Variants in ATP2A3 observed in about 807,000 individuals in gnomAD.
The protein encoded by ATP2A3 is sarcoplasmic/endoplasmic reticulum calcium ATPase 3.
ATP2A3 carries 61 observed loss-of-function variants against 106.8 expected under a neutral mutation model. The ratio of observed to expected loss-of-function variants is 0.57; its 90% CI spans 0.46 to 0.71. The LOEUF (loss-of-function observed/expected upper bound fraction) is 0.71. ATP2A3 is among the 30% of genes least tolerant of loss of function. The probability of loss-of-function intolerance (pLI) is 0.00; values close to 1 mark genes in which losing one functional copy is unlikely to be tolerated. For missense variants in ATP2A3, 1,201 were observed against 1,423.5 expected, an observed-to-expected ratio of 0.84 and a Z score of 2.52; for synonymous variants, 611 against 609.3, an observed-to-expected ratio of 1.00 and a Z score of -0.04.
rs1362982391 is a variant in ATP2A3, at chr17:3,926,542, C to T, written c.2981-1101G>A. Among the ~76,000 whole-genome samples, 1 of 152,144 alleles carries T rather than the reference C, an allele frequency of 6.6e-6. No individual in the cohort carries two copies. Among genetic ancestry groups the T allele is most frequent in the African/African-American group, 2.4e-5 (1 of 41,422 alleles). On this transcript the variant is annotated intron_variant, in intron 20 of 20. Coordinates refer to ENST00000397041, the MANE Select transcript of ATP2A3 (RefSeq NM_005173.4). The surrounding 1 kb of genome is among the most constrained non-coding windows in gnomAD (Gnocchi z 4.6). ...CCAGATCTGTTCAATGCCGCTCGCC[C>T]ACCTCCTGGTGTTAGTCTCACCCTC...
At chr17:3,951,470 T>C in intron 4 of ATP2A3, 81 bp from the exon 5 acceptor site, 1 of 1,605,588 alleles carries the variant, frequency 6.2e-7, no homozygotes. Context: ...CTCTGGGGCC[T>C]GGGATGGAGG....
intron 9 of ATP2A3, 79 bp from the exon 10 acceptor site, chr17:3,944,885 AGG>A (rs1378188552): frequency 5.2e-5 from 46 of 878,822 alleles, no homozygotes; most frequent in Admixed American, 1.0e-4. Context: ...CGCCCCTAGG[AGG>A]GGGCTCCGCC....
chr17:3,933,765 C>T lies in ATP2A3; in HGVS notation c.2610+1427G>A, dbSNP rs1318849518. 2.0e-5 allele frequency among the ~76,000 whole-genome samples: 3 copies of T among 151,214 alleles called. No homozygotes were observed. The South Asian group carries it at 6.2e-4, about 31-fold the overall frequency. ...AAACAAACAAAAAAAGACAGTGCGT[C>T]GGGCTGGAGCTTCTGCCTCACAGGC... is the stretch of plus-strand genomic sequence containing the variant. On this transcript the variant is annotated intron_variant, in intron 17 of 20. Coordinates refer to ENST00000397041, the MANE Select transcript of ATP2A3 (RefSeq NM_005173.4).
Position 3,944,727 on chromosome 17 carries a change from C to T in ATP2A3, c.1264G>A (p.Asp422Asn), listed in dbSNP as rs773763490. The change falls in exon 10 of 21, where the codon GAC becomes AAC. Residue 422 changes from aspartate (D) to asparagine (N), a missense_variant. Transcript: ENST00000397041. ...ELATICALCN[D>N]SALDYNEAKG... ...ACCTCGTTGTAGTCCAGAGCCGAGTCGTTGCACAGGGCGCAGATGGTCGCC... is the reference window on the plus strand; with the variant it reads ...ACCTCGTTGTAGTCCAGAGCCGAGTTGTTGCACAGGGCGCAGATGGTCGCC... 6.2e-7 allele frequency: 1 copy of T among 1,613,374 alleles called. No homozygotes were observed. The highest frequency in any genetic ancestry group is 2.2e-5 in the East Asian group (1 of 44,874).
At chr17:3,927,882 G>A in intron 20 of ATP2A3, 1 of 1,580,434 alleles carries the variant, frequency 6.3e-7, no homozygotes, top group Non-Finnish European at 8.6e-7. Context: ...CTGCCCCAGT[G>A]CAGGCCTCAG....
chr17:3,962,557 G>A (rs141525739), intron 1 of ATP2A3, among the ~76,000 whole-genome samples: 39 of 152,120 alleles, frequency 2.6e-4, no homozygotes, highest in African/African-American at 8.4e-4. Flanking sequence ...TACACACCAC[G>A]CCAAGCCCAC....
intron 14 of ATP2A3, among the ~76,000 whole-genome samples, chr17:3,938,700 C>T (rs1320834705): frequency 6.6e-6 from 1 of 151,914 alleles, no homozygotes; most frequent in African/African-American, 2.4e-5. Context: ...CATGCACCAG[C>T]TAATTTTTGT....
intron 8 of ATP2A3, among the ~76,000 whole-genome samples, chr17:3,946,988 T>C (rs1424283492): frequency 6.6e-6 from 1 of 152,214 alleles, no homozygotes; most frequent in African/African-American, 2.4e-5. Context: ...TGGTGACAGG[T>C]GTCGACTGCA....
Position 3,928,584 on chromosome 17 carries a change from A to ACCCACAGC in ATP2A3, c.2980+71_2980+78dup. The stretch of plus-strand genomic sequence containing the variant: ...CAGACAGAGAGGCTCTGCGCTCCAC[A>ACCCACAGC]CCCACAGCGTCCACTGCAGCCCAGG... On this transcript the variant is annotated intron_variant, in intron 20 of 20. Transcript: ENST00000397041. The surrounding 1 kb of genome is among the most constrained non-coding windows in gnomAD (Gnocchi z 6.1). 1 of 1,294,008 alleles carries ACCCACAGC rather than the reference A, an allele frequency of 7.7e-7. No individual in the cohort carries two copies. Among genetic ancestry groups the ACCCACAGC allele is most frequent in the Admixed American group, 2.0e-5 (1 of 50,572 alleles). 80.2% of individuals were successfully genotyped at this position (1,294,008 alleles called of 1,614,324 possible).
At chr17:3,945,464 C>T (rs981276451) in intron 8 of ATP2A3, 1 of 276,194 alleles carries the variant, frequency 3.6e-6, no homozygotes, top group Non-Finnish European at 6.9e-6. Context: ...AGCCTGGGTC[C>T]TTGCCCATCT....
chr17:3,928,545 G>T lies in ATP2A3; in HGVS notation c.2980+118C>A. 9.5e-7 allele frequency: 1 copy of T among 1,048,880 alleles called. No individual in the cohort carries two copies. The highest frequency in any genetic ancestry group is 1.4e-6 in the Non-Finnish European group (1 of 696,986). The allele number at this position is 1,048,880 out of a possible 1,614,324, so 65.0% of individuals were successfully genotyped here. ...ACCCTCCACTTGGTGATCCGAGAACGCCTCCCCGATGTGCAGACAGAGAGG... is the reference window on the plus strand; with the variant it reads ...ACCCTCCACTTGGTGATCCGAGAACTCCTCCCCGATGTGCAGACAGAGAGG... On this transcript the variant is annotated intron_variant, in intron 20 of 20. Transcript: ENST00000397041. This position sits in a 1 kb window ranked among gnomAD's most constrained non-coding sequence, Gnocchi z 6.1.
Position 3,937,782 on chromosome 17 carries a change from A to G in ATP2A3, c.2101-146T>C. On this transcript the variant is annotated intron_variant, in intron 14 of 20. Transcript: ENST00000397041. ...GAACAAATGGTGGGTTCAAGAATGAACTAGAAATTGGGCAGAGGATGAGGC... is the reference window on the plus strand; with the variant it reads ...GAACAAATGGTGGGTTCAAGAATGAGCTAGAAATTGGGCAGAGGATGAGGC... 3.4e-6 allele frequency: 3 copies of G among 869,584 alleles called. No homozygotes were observed. In the South Asian group the frequency reaches 4.4e-5, roughly 13 times the overall value. 53.9% of individuals were successfully genotyped at this position (869,584 alleles called of 1,614,324 possible).
Position 3,964,424 on chromosome 17 carries a change from C to G in ATP2A3, c.-133G>C, listed in dbSNP as rs1024588314. ...GGCCATGTCCGTGCTGGGACCTTAC[C>G]CGACGGCAGTGGCGGCGGCGGCCCC... On this transcript the variant is annotated 5_prime_UTR_variant, in exon 1 of 21. Transcript: ENST00000397041. The G allele has an allele frequency of 6.0e-6, 2 of 335,412 alleles. No homozygotes were observed. Among genetic ancestry groups the G allele is most frequent in the Non-Finnish European group, 9.0e-6 (2 of 223,462 alleles). 20.8% of individuals were successfully genotyped at this position (335,412 alleles called of 1,614,324 possible). A position where few individuals can be genotyped will look rare whatever the true frequency, so the allele number is the denominator to read the frequency against.
intron 3 of ATP2A3, 99 bp from the exon 4 acceptor site, chr17:3,951,784 G>C: frequency 8.2e-7 from 1 of 1,219,964 alleles, no homozygotes; most frequent in South Asian, 1.3e-5. Context: ...TCCCTGCTTT[G>C]GGGAGATAGC....
rs1459209276 is a variant in ATP2A3 at position 3,947,551 on chromosome 17, G to A, written c.935C>T (p.Pro312Leu). Residue 312 changes from proline (P) to leucine (L), a missense_variant, in exon 8 of 21, where the codon CCG becomes CTG. This residue lies in a region of ATP2A3 where 935 missense variants were observed against 1,176.7 expected (regional missense o/e 0.79). Coordinates refer to ENST00000397041, the MANE Select transcript of ATP2A3 (RefSeq NM_005173.4). The surrounding 1 kb of genome is among the most constrained non-coding windows in gnomAD (Gnocchi z 7.7). ...LAVAAIPEGL[P>L]AVITTCLALG... is the part of the protein sequence containing the mutation. ...TGCCAGGCATGTAGTGATGACAGCC[G>A]GGAGGCCCTCGGGGATGGCCGCCAC... The A allele has an allele frequency of 1.9e-6, 3 of 1,613,074 alleles. No individual in the cohort carries two copies. The highest frequency in any genetic ancestry group is 1.1e-5 in the South Asian group (1 of 91,082).
intron 1 of ATP2A3, among the ~76,000 whole-genome samples, chr17:3,957,555 G>A (rs1457639031): frequency 6.6e-6 from 1 of 152,210 alleles, no homozygotes; most frequent in Non-Finnish European, 1.5e-5. Context: ...GTGCTTTAGG[G>A]GTTTACGAGG....
intron 17 of ATP2A3, chr17:3,934,883 G>A: frequency 8.0e-6 from 3 of 376,804 alleles, no homozygotes; most frequent in South Asian, 2.5e-5. Flanking sequence ...CCATTTAGGG[G>A]CTCATTCCTC....
rs539701497 is a variant in ATP2A3, at chr17:3,928,678, G to A, written c.2965C>T (p.Arg989Trp). The A allele has an allele frequency of 4.5e-6, 7 of 1,551,014 alleles. No individual in the cohort carries two copies. The highest frequency in any genetic ancestry group is 6.1e-6 in the Non-Finnish European group (7 of 1,146,984). The change falls in exon 20 of 21, where the codon CGG becomes TGG. Residue 989 changes from arginine to tryptophan, a missense_variant. By Grantham distance (101) the Arg-to-Trp change is moderately radical (BLOSUM62 -3). Around this residue, in one of 2 missense-constraint regions of ATP2A3, gnomAD observed 935 missense variants for 1,176.7 expected, o/e 0.79. Transcript: ENST00000397041. This position sits in a 1 kb window ranked among gnomAD's most constrained non-coding sequence, Gnocchi z 6.1. ...TCCCACTCACCGTGCATGTGGTTCC[G>A]GGACAGGTACTTGAGGGCCTCATCC... ...LLDEALKYLS[R>W]NHMHEEMSQK
At position 3,964,202 on chromosome 17, in the gene ATP2A3, G is replaced by T; in HGVS notation, c.90C>A (p.Thr30=). The part of the protein sequence containing the change: ...AEGGLSPAQV[T]GARERYGPNE... The stretch of plus-strand genomic sequence containing the variant: ...TGGGGCCGTAGCGCTCCCGCGCGCC[G>T]GTCACCTGCGCCGGGCTCAGGCCGC... The change falls in exon 1 of 21, where the codon ACC becomes ACA. Residue 30 remains threonine (T), a synonymous_variant. Coordinates refer to ENST00000397041, the MANE Select transcript of ATP2A3 (RefSeq NM_005173.4). The T allele has an allele frequency of 2.4e-6, 3 of 1,247,926 alleles. No homozygotes were observed. Among genetic ancestry groups the T allele is most frequent in the Admixed American group, 3.7e-5 (1 of 27,318 alleles). The allele number at this position is 1,247,926 out of a possible 1,614,324, so 77.3% of individuals were successfully genotyped here. A position where few individuals can be genotyped will look rare whatever the true frequency, so the allele number is the denominator to read the frequency against.
Sources: allele counts gnomAD v4.1 joint callset (sites outside exome capture counted in the v4.1 genomes callset), GRCh38; gene constraint gnomAD v4.1.1; regional missense constraint gnomAD v4.1.1; non-coding constraint Gnocchi (gnomAD v3.1); transcripts MANE v1.5; gene names NCBI Gene and HGNC (gene_info 2026-07-23, HGNC 2026-07-21).